PDE11A: variants seen among roughly 807,000 people sequenced by gnomAD.
PDE11A encodes phosphodiesterase 11A.
A neutral mutation model predicts 100.5 loss-of-function variants in PDE11A; 100 were observed. That is an observed-to-expected ratio of 1.00 (90% CI 0.85 to 1.18). PDE11A has a LOEUF of 1.18. Among genes scored for constraint, PDE11A ranks in the 50% most tolerant of loss-of-function variants. The pLI, the probability that PDE11A is intolerant of heterozygous loss-of-function variation, is 0.00. For missense variants in PDE11A, 1,141 were observed against 1,152.6 expected (o/e 0.99, Z 0.15); for synonymous variants, 381 against 420.8 (o/e 0.91, Z 1.16).
chr2:177,785,501 G>A (rs992889143), intron 9 of PDE11A, among the ~76,000 whole-genome samples: 2 of 152,214 alleles, frequency 1.3e-5, no homozygotes, highest in Non-Finnish European at 2.9e-5. Context: ...GAGGTACCGG[G>A]TTCATCTCAC....
At chr2:177,837,250 A>G (rs1188264743) in intron 6 of PDE11A, among the ~76,000 whole-genome samples, 2 of 152,170 alleles carry the variant, frequency 1.3e-5, no homozygotes, top group Non-Finnish European at 2.9e-5. Context: ...TTCTATCAGA[A>G]AGAGAGGTAC....
chr2:177,927,884 C>G (rs768104136), intron 2 of PDE11A, among the ~76,000 whole-genome samples: 2 of 152,040 alleles, frequency 1.3e-5, no homozygotes, highest in African/African-American at 4.8e-5. Flanking sequence ...ATGGGCAGAT[C>G]ACCTGAGGTT....
chr2:177,950,095 T>G (rs1453786741), intron 2 of PDE11A, among the ~76,000 whole-genome samples: 1 of 152,216 alleles, frequency 6.6e-6, no homozygotes, highest in African/African-American at 2.4e-5. Flanking sequence ...AAGAACCACG[T>G]TTCAACAGCT....
chr2:177,823,998 G>A (rs2083187033), intron 6 of PDE11A, among the ~76,000 whole-genome samples: 2 of 152,168 alleles, frequency 1.3e-5, no homozygotes, highest in African/African-American at 2.4e-5. Flanking sequence ...CAATTTAGAA[G>A]CTGGTGGTGA....
chr2:177,814,942 A>G (rs1291315722), intron 9 of PDE11A, among the ~76,000 whole-genome samples: 1 of 152,208 alleles, frequency 6.6e-6, no homozygotes, highest in East Asian at 1.9e-4. Flanking sequence ...GCTCCTTCTC[A>G]AGAGGACGAC....
At chr2:178,033,287 A>C (rs1370715809) in intron 1 of PDE11A, among the ~76,000 whole-genome samples, 1 of 152,180 alleles carries the variant, frequency 6.6e-6, no homozygotes, top group Non-Finnish European at 1.5e-5. Context: ...ATCAAGTGGG[A>C]GAAAGAATAT....
At chr2:177,906,288 C>T (rs968514556) in intron 2 of PDE11A, among the ~76,000 whole-genome samples, 5 of 152,096 alleles carry the variant, frequency 3.3e-5, no homozygotes, top group Non-Finnish European at 5.9e-5. Flanking sequence ...GTGCAGTGCC[C>T]GCTGTGGGTG....
At chr2:177,633,153 C>T (rs77619495) in intron 19 of PDE11A, among the ~76,000 whole-genome samples, 2,456 of 152,260 alleles carry the variant, frequency 0.016, 25 homozygotes, top group South Asian at 0.045. Context: ...TCCCTGGTCC[C>T]GTGTAAACAC....
At chr2:178,073,741 T>C (rs997940675), upstream of PDE11A, among the ~76,000 whole-genome samples, 1 of 152,230 alleles carries the variant, frequency 6.6e-6, no homozygotes, top group African/African-American at 2.4e-5. Flanking sequence ...ACTTGAGTGA[T>C]CTATCAGTAA....
Position 177,722,855 on chromosome 2 carries a change from T to C in PDE11A, c.2043+4803A>G, listed in dbSNP as rs528175681. 5.9e-5 allele frequency among the ~76,000 whole-genome samples: 9 copies of C among 152,214 alleles called. No individual in the cohort carries two copies. The East Asian group carries it at 1.5e-3, about 26-fold the overall frequency. On this transcript the variant is annotated intron_variant, in intron 12 of 19. Coordinates refer to ENST00000286063, the MANE Select transcript of PDE11A (RefSeq NM_016953.4). The stretch of plus-strand genomic sequence containing the variant: ...TTTATTTTAAAGTAAATATAACAAG[T>C]TACTACTTTTTTGATAAGGAAATAC...
rs1206000297 is a variant in PDE11A at position 177,951,410 on chromosome 2, GAC to G, written c.1072-46225_1072-46224del. ...CCATAACTTATCAATGGAATTCAAT[GAC>G]ACAAAATGTTGAGAAAGATAGTTTA... On this transcript the variant is annotated intron_variant, in intron 2 of 19. Coordinates refer to ENST00000286063, the MANE Select transcript of PDE11A (RefSeq NM_016953.4). Among the ~76,000 whole-genome samples, 5 of 152,238 alleles carry G rather than the reference GAC, an allele frequency of 3.3e-5. No homozygotes were observed. In the East Asian group the frequency reaches 9.6e-4, roughly 29 times the overall value.
chr2:177,852,656 G>T (rs1558973143), intron 5 of PDE11A, among the ~76,000 whole-genome samples: 1 of 152,078 alleles, frequency 6.6e-6, no homozygotes, highest in Non-Finnish European at 1.5e-5. Context: ...CAGGACTTGG[G>T]ACATTAAAAA....
At chr2:177,802,479 TAA>T (rs1049468744) in intron 9 of PDE11A, among the ~76,000 whole-genome samples, 30 of 152,158 alleles carry the variant, frequency 2.0e-4, no homozygotes, top group African/African-American at 7.0e-4. Context: ...GGAGAATGGA[TAA>T]ACTATGGTAT....
intron 10 of PDE11A, among the ~76,000 whole-genome samples, chr2:177,760,736 G>T (rs746683340): frequency 2.2e-4 from 33 of 152,086 alleles, no homozygotes; most frequent in Non-Finnish European, 3.5e-4. Flanking sequence ...CTGTGTCCAT[G>T]GTCTTACAAA....
chr2:178,013,411 T>A (rs1410292170), intron 2 of PDE11A, among the ~76,000 whole-genome samples: 2 of 152,230 alleles, frequency 1.3e-5, no homozygotes, highest in Non-Finnish European at 1.5e-5. Context: ...AATCAAGGAC[T>A]GTCTTCACTT....
intron 1 of PDE11A, among the ~76,000 whole-genome samples, chr2:178,070,332 A>C (rs1366242573): frequency 6.6e-6 from 1 of 152,250 alleles, no homozygotes; most frequent in Admixed American, 6.5e-5. Context: ...ACTTGGCTTT[A>C]GTACAAGCTA....
chr2:178,005,436 C>A (rs1443942847), intron 2 of PDE11A, among the ~76,000 whole-genome samples: 11 of 152,166 alleles, frequency 7.2e-5, no homozygotes, highest in Non-Finnish European at 1.5e-4. Flanking sequence ...CTGCTTGAGC[C>A]CAAGAATTCA....
At chr2:178,082,936 T>C (rs1391715047) in intron 2 of PDE11A, among the ~76,000 whole-genome samples, 2 of 152,122 alleles carry the variant, frequency 1.3e-5, no homozygotes, top group African/African-American at 4.8e-5. Context: ...CACACAATCA[T>C]GGCTGAGAAC....
chr2:177,758,861 A>G (rs996167501), intron 10 of PDE11A, among the ~76,000 whole-genome samples: 4 of 152,242 alleles, frequency 2.6e-5, no homozygotes, highest in Non-Finnish European at 1.5e-5. Flanking sequence ...GTGCCTGGGC[A>G]AATGAATAAG....
Sources: gnomAD v4.1 joint callset for allele counts (sites outside exome capture counted in the v4.1 genomes callset) on GRCh38, gnomAD v4.1.1 for gene constraint, MANE v1.5 for transcripts, NCBI Gene and HGNC (gene_info 2026-07-23, HGNC 2026-07-21) for gene names.